The following RELN variants were observed in gnomAD, a reference collection of about 807,000 sequenced individuals.
RELN encodes reelin.
Under a neutral mutation model 427.6 loss-of-function variants are expected in RELN, and 108 were observed. The ratio of observed to expected loss-of-function variants is 0.25; its 90% CI spans 0.22 to 0.30. The LOEUF (loss-of-function observed/expected upper bound fraction) is 0.30. Among genes scored for constraint, RELN ranks in the 10% least tolerant of loss-of-function variants. The probability of loss-of-function intolerance (pLI) is 1.00; values close to 1 mark genes in which losing one functional copy is unlikely to be tolerated. For missense variants in RELN, 3,715 were observed against 4,302.8 expected, an observed-to-expected ratio of 0.86 and a Z score of 3.82; for synonymous variants, 1,524 against 1,513.4, an observed-to-expected ratio of 1.01 and a Z score of -0.16.
chr7:103,684,099 A>C (rs1296396873), intron 10 of RELN, among the ~76,000 whole-genome samples: 1 of 152,136 alleles, frequency 6.6e-6, no homozygotes, highest in African/African-American at 2.4e-5. Flanking sequence ...GAAACCAGTG[A>C]ATTCCTGAGC....
intron 1 of RELN, among the ~76,000 whole-genome samples, chr7:103,940,704 C>A (rs1584386700): frequency 1.3e-5 from 2 of 152,226 alleles, no homozygotes; most frequent in South Asian, 4.1e-4. Flanking sequence ...TGAAAGGAAC[C>A]AAATTGCTTT....
chr7:103,488,536 T>C (rs1828527275), intron 60 of RELN, among the ~76,000 whole-genome samples: 1 of 152,320 alleles, frequency 6.6e-6, no homozygotes, highest in Admixed American at 6.5e-5. Context: ...GCAGTCTACA[T>C]TAATCATATC....
intron 2 of RELN, among the ~76,000 whole-genome samples, chr7:103,881,237 G>T (rs1234878728): frequency 6.6e-6 from 1 of 152,088 alleles, no homozygotes; most frequent in African/African-American, 2.4e-5. Flanking sequence ...TAAATGTAAT[G>T]AACACTTTCC....
chr7:103,905,263 C>T (rs1190411967), intron 2 of RELN, among the ~76,000 whole-genome samples: 1 of 152,124 alleles, frequency 6.6e-6, no homozygotes, highest in East Asian at 1.9e-4. Context: ...CAGGCGTGAG[C>T]CACTGCTTCC....
chr7:103,721,674 T>C (rs1790080397), intron 8 of RELN, among the ~76,000 whole-genome samples: 1 of 152,152 alleles, frequency 6.6e-6, no homozygotes, highest in African/African-American at 2.4e-5. Context: ...ATATTAGAAT[T>C]AGGAGACATA....
intron 8 of RELN, among the ~76,000 whole-genome samples, chr7:103,707,307 A>G (rs1834225662): frequency 1.3e-5 from 2 of 152,164 alleles, no homozygotes; most frequent in African/African-American, 2.4e-5. Flanking sequence ...AAAAGAAACT[A>G]TGGAAAGGCA....
Position 103,568,543 on chromosome 7 carries a change from T to C in RELN, c.4589-1784A>G, listed in dbSNP as rs150963328. Among the ~76,000 whole-genome samples the C allele has an allele frequency of 1.2e-4, 18 of 152,242 alleles. No individual in the cohort carries two copies. The East Asian group carries it at 3.5e-3, about 29-fold the overall frequency. On this transcript the variant is annotated intron_variant, in intron 31 of 64. Coordinates refer to ENST00000428762, the MANE Select transcript of RELN (RefSeq NM_005045.4). Reference sequence around the variant, plus strand: ...TGGGAAAGGGACAGTCACACCAAAGTTCATGAAGAAAATGGAAGCAAGGCT... The same window carrying C: ...TGGGAAAGGGACAGTCACACCAAAGCTCATGAAGAAAATGGAAGCAAGGCT...
At chr7:103,927,474 T>A (rs1795771088) in intron 1 of RELN, among the ~76,000 whole-genome samples, 1 of 152,168 alleles carries the variant, frequency 6.6e-6, no homozygotes. Flanking sequence ...TACAACTGAA[T>A]TCTAAGATTT....
chr7:103,860,517 G>A (rs180821215), intron 2 of RELN, among the ~76,000 whole-genome samples: 52 of 152,180 alleles, frequency 3.4e-4, no homozygotes, highest in African/African-American at 1.0e-3. Flanking sequence ...TTAGAACTAC[G>A]TTTATTGATG....
At chr7:103,862,411 CTA>C (rs1794091370) in intron 2 of RELN, among the ~76,000 whole-genome samples, 11 of 53,500 alleles carry the variant, frequency 2.1e-4, no homozygotes, top group African/African-American at 4.9e-4. Context: ...TGCTTTTGTT[CTA>C]TCTATCTATC....
At chr7:103,757,049 A>G (rs1278430961) in intron 4 of RELN, among the ~76,000 whole-genome samples, 1 of 152,218 alleles carries the variant, frequency 6.6e-6, no homozygotes, top group African/African-American at 2.4e-5. Context: ...TTACTGAGGT[A>G]AATGCACCAC....
chr7:103,564,343 G>A (rs1448854738), intron 34 of RELN, among the ~76,000 whole-genome samples: 1 of 152,220 alleles, frequency 6.6e-6, no homozygotes, highest in African/African-American at 2.4e-5. Flanking sequence ...GCAAGGAATT[G>A]GATGTATAGC....
chr7:103,488,713 G>A (rs1828534856), intron 60 of RELN, among the ~76,000 whole-genome samples: 1 of 152,214 alleles, frequency 6.6e-6, no homozygotes, highest in South Asian at 2.1e-4. Context: ...AGGCTGATTG[G>A]AAAGAACAAC....
chr7:103,661,659 CTTTA>C (rs1449255815), intron 11 of RELN, 132 bp from the exon 12 acceptor site: 6 of 852,418 alleles, frequency 7.0e-6, no homozygotes, highest in African/African-American at 6.8e-5. Context: ...AGATATGGCA[CTTTA>C]TTTAGGCAAT....
intron 2 of RELN, among the ~76,000 whole-genome samples, chr7:103,859,540 A>G (rs12705161): frequency 0.15 from 22,629 of 152,160 alleles, 2,071 homozygotes; most frequent in East Asian, 0.42. Context: ...TGATCCGCCC[A>G]CTTTGACCTC....
At chr7:103,979,251 A>G (rs1192840244) in intron 1 of RELN, among the ~76,000 whole-genome samples, 1 of 152,218 alleles carries the variant, frequency 6.6e-6, no homozygotes, top group Non-Finnish European at 1.5e-5. Context: ...AAACTTTGGA[A>G]TAAACTATAA....
rs769970646 is a variant in RELN, at chr7:103,833,638, A to G, written c.372T>C (p.Phe124=). 2 of 1,613,844 alleles carry G rather than the reference A, an allele frequency of 1.2e-6. No homozygotes were observed. The highest frequency in any genetic ancestry group is 1.3e-5 in the African/African-American group (1 of 75,064). Residue 124 remains phenylalanine, a synonymous_variant, in exon 3 of 65, where the codon TTT becomes TTC. Transcript: ENST00000428762. ...CGTGAGAGGCTACCACACTGCACAT[A>G]AACTGGTTACCAAACTGGTGGTCAG... ...IMSDHQFGNQ[F]MCSVVASHVS... is the part of the protein sequence containing the mutation.
chr7:103,605,119 C>T (rs534963262), intron 22 of RELN, among the ~76,000 whole-genome samples: 3 of 152,270 alleles, frequency 2.0e-5, no homozygotes, highest in Non-Finnish European at 2.9e-5. Context: ...CGTAAGCCAC[C>T]GCGCCCTGCC....
chr7:103,718,199 C>T (rs550012852), intron 8 of RELN, among the ~76,000 whole-genome samples: 91 of 151,946 alleles, frequency 6.0e-4, no homozygotes, highest in African/African-American at 2.0e-3. Context: ...TCTGAGACTC[C>T]GTAGCATGTA....
Sources: gnomAD v4.1 joint callset for allele counts (sites outside exome capture counted in the v4.1 genomes callset) on GRCh38, gnomAD v4.1.1 for gene constraint, MANE v1.5 for transcripts, NCBI Gene and HGNC (gene_info 2026-07-23, HGNC 2026-07-21) for gene names.